Variants in ALDH5A1 observed in about 807,000 individuals in gnomAD.
The protein encoded by ALDH5A1 is aldehyde dehydrogenase 5 family member A1, also known as succinate-semialdehyde dehydrogenase, mitochondrial.
Under a neutral mutation model 54.7 loss-of-function variants are expected in ALDH5A1, and 33 were observed. The ratio of observed to expected loss-of-function variants is 0.60; its 90% confidence interval spans 0.46 to 0.81. The LOEUF is 0.81. Ranked by LOEUF, ALDH5A1 falls within the 30% of genes least tolerant of loss-of-function variation. The pLI is 0.00. For synonymous variants in ALDH5A1, 294 were observed against 292.7 expected (o/e 1.00, Z -0.05); for missense variants, 657 against 711.0 (o/e 0.92, Z 0.86).
intron 1 of ALDH5A1, among the ~76,000 whole-genome samples, chr6:24,497,005 TCC>T (rs1433006358): frequency 3.9e-5 from 6 of 152,166 alleles, no homozygotes; most frequent in African/African-American, 1.4e-4. Context: ...CGGAGTTGGT[TCC>T]TGCCGGTAGG....
At position 24,512,626 on chromosome 6, in the gene ALDH5A1, T is replaced by C. The variant is rs368968965; in HGVS notation, c.727-2541T>C. ...CTTGATGTGATTTTCTTGTCATCTT[T>C]TACCTTGTTTTGAAATTGTAAGTTA... On this transcript the variant is annotated intron_variant, in intron 4 of 9. Coordinates refer to ENST00000357578, the MANE Select transcript of ALDH5A1 (RefSeq NM_001080.3). 6.1e-4 allele frequency among the ~76,000 whole-genome samples: 93 copies of C among 152,360 alleles called. 1 individual carries two copies. The highest frequency in any genetic ancestry group is 2.1e-3 in the African/African-American group (89 of 41,590).
chr6:24,516,468 T>TA (rs148107784), intron 5 of ALDH5A1, among the ~76,000 whole-genome samples: 10 of 143,868 alleles, frequency 7.0e-5, no homozygotes, highest in Admixed American at 3.5e-4. Flanking sequence ...AATTAAAAAT[T>TA]AAAAAAAATA....
Position 24,503,253 on chromosome 6 carries a change from T to C in ALDH5A1, c.439-10T>C. 1 of 1,613,344 alleles carries C rather than the reference T, an allele frequency of 6.2e-7. No individual in the cohort carries two copies. On this transcript the variant is annotated splice_polypyrimidine_tract_variant and intron_variant, in intron 2 of 9. Coordinates refer to ENST00000357578, the MANE Select transcript of ALDH5A1 (RefSeq NM_001080.3). ...AGGTAATACGTGGGTTCTTTTCTGA[T>C]TTAATTTAGGGAAAGCCACTGAAGG...
chr6:24,517,086 A>C (rs1051494606), intron 5 of ALDH5A1, among the ~76,000 whole-genome samples: 6 of 151,986 alleles, frequency 3.9e-5, no homozygotes, highest in Admixed American at 1.3e-4. Context: ...GGCTAACTGT[A>C]ACCTCTGCTT....
chr6:24,495,084 G>T lies in ALDH5A1; in HGVS notation c.88G>T (p.Gly30Cys), dbSNP rs1171926592. 1 of 1,320,528 alleles carries T rather than the reference G, an allele frequency of 7.6e-7. No individual in the cohort carries two copies. Among genetic ancestry groups the T allele is most frequent in the African/African-American group, 1.5e-5 (1 of 65,808 alleles). 81.8% of individuals were successfully genotyped at this position (1,320,528 alleles called of 1,614,324 possible). The change falls in exon 1 of 10, where the codon GGC (glycine) becomes TGC (cysteine). Residue 30 changes from glycine (G) to cysteine (C), a missense_variant. Gly to Cys is a radical substitution (Grantham distance 159). This residue lies in a region of ALDH5A1 where 232 missense variants were observed against 194.6 expected (regional missense o/e 1.19). Transcript: ENST00000357578. Reference protein sequence around the residue: ...PGCRLRPRAGGLVPASGPAPG... With the variant: ...PGCRLRPRAGCLVPASGPAPG... ...CTGCCGCCTCCGCCCCCGCGCCGGC[G>T]GCCTGGTCCCTGCCTCCGGGCCTGC...
chr6:24,514,180 T>A (rs2127385435), intron 4 of ALDH5A1, among the ~76,000 whole-genome samples: 2 of 152,344 alleles, frequency 1.3e-5, no homozygotes, highest in Middle Eastern at 3.4e-3. Flanking sequence ...CGGGTTCTGT[T>A]ACTAGCTGTG....
At chr6:24,525,876 T>A (rs1759789129) in intron 7 of ALDH5A1, among the ~76,000 whole-genome samples, 1 of 151,992 alleles carries the variant, frequency 6.6e-6, no homozygotes, top group Non-Finnish European at 1.5e-5. Context: ...TTCTGGGTCA[T>A]TCCCACCATC....
chr6:24,522,501 G>GGGTGTGTGTGTGTA, intron 6 of ALDH5A1: 2 of 361,782 alleles, frequency 5.5e-6, no homozygotes, highest in Non-Finnish European at 1.0e-5. Context: ...GTGTGTGTGT[G>GGGTGTGTGTGTGTA]TGTACAGGTG....
chr6:24,515,353 A>G (rs1759550087), intron 5 of ALDH5A1, 43 bp downstream of exon 5: 2 of 1,599,540 alleles, frequency 1.3e-6, no homozygotes, highest in Non-Finnish European at 8.6e-7. Flanking sequence ...TCTTTCTAAT[A>G]TTTTATCTTG....
In ALDH5A1 at chr6:24,510,870, GGTTTT is replaced by G. The variant is rs576072557; in HGVS notation, c.727-4281_727-4277del. ...GCTATTTGTTGCCTGAATACTTTTG[GGTTTT>G]GTTTTGTTTTGTTTTTTAATTGTAT... On this transcript the variant is annotated intron_variant, in intron 4 of 9. Coordinates refer to ENST00000357578, the MANE Select transcript of ALDH5A1 (RefSeq NM_001080.3). Among the ~76,000 whole-genome samples, 14 of 151,570 alleles carry G rather than the reference GGTTTT, an allele frequency of 9.2e-5. No homozygotes were observed. In the East Asian group the frequency reaches 1.9e-3, roughly 21 times the overall value.
At position 24,502,556 on chromosome 6, in the gene ALDH5A1, T is replaced by C. The variant is rs752557644; in HGVS notation, c.388T>C (p.Leu130=). The change falls in exon 2 of 10, where the codon TTA becomes CTA. Residue 130 remains leucine, a synonymous_variant. Coordinates refer to ENST00000357578, the MANE Select transcript of ALDH5A1 (RefSeq NM_001080.3). ...RSSLLRKWYN[L]MIQNKDDLAR... ...TTCATTACTTCGGAAGTGGTACAAT[T>C]TAATGATACAAAATAAGGATGACCT... 6.2e-7 allele frequency: 1 copy of C among 1,613,756 alleles called. No homozygotes were observed. Among genetic ancestry groups the C allele is most frequent in the Non-Finnish European group, 8.5e-7 (1 of 1,179,666 alleles).
Position 24,533,882 on chromosome 6 carries a change from T to G in ALDH5A1, c.*170T>G. On this transcript the variant is annotated 3_prime_UTR_variant, in exon 10 of 10. Transcript: ENST00000357578. ...GCAAATCCTACCCCTGCCCTTAATG[T>G]AACTAGGGACCAATATGTGCCACGT... 1 of 662,178 alleles carries G rather than the reference T, an allele frequency of 1.5e-6. No homozygotes were observed. Among genetic ancestry groups the G allele is most frequent in the Non-Finnish European group, 2.5e-6 (1 of 396,740 alleles). 41.0% of individuals were successfully genotyped at this position (662,178 alleles called of 1,614,324 possible). A position where few individuals can be genotyped will look rare whatever the true frequency, so the allele number is the denominator to read the frequency against.
chr6:24,516,351 G>A (rs959693274), intron 5 of ALDH5A1, among the ~76,000 whole-genome samples: 2 of 149,226 alleles, frequency 1.3e-5, no homozygotes, highest in East Asian at 4.0e-4. Flanking sequence ...CAGGAGAATG[G>A]TGTGAACCCA....
chr6:24,532,749 G>A (rs1338046132), intron 9 of ALDH5A1, among the ~76,000 whole-genome samples: 2 of 152,160 alleles, frequency 1.3e-5, no homozygotes, highest in East Asian at 1.9e-4. Flanking sequence ...CATACAAGAT[G>A]CCACTATAGC....
intron 7 of ALDH5A1, among the ~76,000 whole-genome samples, chr6:24,525,668 A>G (rs1438048005): frequency 6.6e-6 from 1 of 152,220 alleles, no homozygotes; most frequent in Non-Finnish European, 1.5e-5. Context: ...AGATCGCACC[A>G]GTGCACCCCA....
At chr6:24,504,753 G>A (rs1166266581) in intron 3 of ALDH5A1, 116 bp from the exon 4 acceptor site, 6 of 1,031,896 alleles carry the variant, frequency 5.8e-6, no homozygotes, top group South Asian at 1.3e-5. Flanking sequence ...GCAGCCAAAC[G>A]GGTTTGTCAA....
intron 8 of ALDH5A1, 147 bp from the exon 9 acceptor site, chr6:24,531,972 G>C: frequency 1.3e-6 from 1 of 744,576 alleles, no homozygotes; most frequent in Non-Finnish European, 2.4e-6. Flanking sequence ...GAATGGTGCT[G>C]CTTTCTTCTG....
chr6:24,497,839 G>A (rs1338079830), intron 1 of ALDH5A1, among the ~76,000 whole-genome samples: 1 of 152,170 alleles, frequency 6.6e-6, no homozygotes, highest in Non-Finnish European at 1.5e-5. Context: ...AGGGTTTTAA[G>A]CAGAGATATG....
chr6:24,495,126 C>A lies in ALDH5A1; in HGVS notation c.130C>A (p.Leu44Ile). ...ASGPAPGPAQ[L>I]RCYAGRLAGL... The stretch of plus-strand genomic sequence containing the variant: ...CGGGCCTGCGCCCGGCCCGGCCCAG[C>A]TCCGCTGCTACGCTGGGCGCCTGGC... The change falls in exon 1 of 10, where the codon CTC (leucine) becomes ATC (isoleucine). Residue 44 changes from leucine to isoleucine, a missense_variant. By Grantham distance (5) the Leu-to-Ile change is conservative. Coordinates refer to ENST00000357578, the MANE Select transcript of ALDH5A1 (RefSeq NM_001080.3). 2 of 1,382,706 alleles carry A rather than the reference C, an allele frequency of 1.4e-6. No individual in the cohort carries two copies. The highest frequency in any genetic ancestry group is 3.4e-5 in the South Asian group (2 of 59,524). The allele number at this position is 1,382,706 out of a possible 1,614,324, so 85.7% of individuals were successfully genotyped here.
Sources: allele counts gnomAD v4.1 joint callset (sites outside exome capture counted in the v4.1 genomes callset), GRCh38; gene constraint gnomAD v4.1.1; regional missense constraint gnomAD v4.1.1; transcripts MANE v1.5; gene names NCBI Gene and HGNC (gene_info 2026-07-23, HGNC 2026-07-21).